NAV2: variants seen among roughly 807,000 people sequenced by gnomAD.
NAV2 encodes neuron navigator 2, also known as helicase, APC down-regulated 1.
In NAV2, 54 loss-of-function variants were observed where a neutral mutation model predicts 223.2. That is an observed-to-expected ratio of 0.24 (90% CI 0.19 to 0.30). The LOEUF (loss-of-function observed/expected upper bound fraction) is 0.30, where lower values mean the gene tolerates loss of function less well. NAV2 is among the 10% of genes least tolerant of loss of function. NAV2 has a pLI of 1.00. For missense variants in NAV2, 2,806 were observed against 3,147.5 expected (o/e 0.89, Z 2.60); for synonymous variants, 1,279 against 1,239.3 (o/e 1.03, Z -0.67).
intron 32 of NAV2, among the ~76,000 whole-genome samples, chr11:20,101,403 G>A (rs980078086): frequency 1.3e-5 from 2 of 152,134 alleles, no homozygotes; most frequent in Admixed American, 6.5e-5. Context: ...TGTTATCCAC[G>A]ATACATCTGT....
At chr11:19,882,613 T>G (rs369459719) in intron 5 of NAV2, among the ~76,000 whole-genome samples, 49 of 152,204 alleles carry the variant, frequency 3.2e-4, no homozygotes, top group African/African-American at 1.1e-3. Flanking sequence ...ATTTCCATGG[T>G]AGGCGTTTGT....
chr11:20,074,172 G>A (rs1419759397), intron 22 of NAV2, among the ~76,000 whole-genome samples: 1 of 152,152 alleles, frequency 6.6e-6, no homozygotes, highest in African/African-American at 2.4e-5. Context: ...CTTTATTTCT[G>A]CCTTCATTTC....
intron 13 of NAV2, 35 bp downstream of exon 13, chr11:20,044,307 A>G: frequency 6.4e-7 from 1 of 1,564,410 alleles, no homozygotes; most frequent in South Asian, 1.2e-5. Flanking sequence ...CCTACAGTTG[A>G]CATTTTGAAA....
chr11:19,611,458 C>T (rs771535865), intron 1 of NAV2, among the ~76,000 whole-genome samples: 2 of 152,314 alleles, frequency 1.3e-5, no homozygotes, highest in East Asian at 3.9e-4. Context: ...AGGCAAGTCC[C>T]TTCTGCCTAT....
chr11:19,403,467 T>A (rs72907868), intron 1 of NAV2, among the ~76,000 whole-genome samples: 8,335 of 152,282 alleles, frequency 0.055, 315 homozygotes, highest in Non-Finnish European at 0.086. Context: ...AGCTGCAGGT[T>A]AGCCTAGCAA....
At chr11:19,766,029 C>G in intron 1 of NAV2, among the ~76,000 whole-genome samples, 1 of 152,224 alleles carries the variant, frequency 6.6e-6, no homozygotes, top group East Asian at 1.9e-4. Flanking sequence ...CTCCCTATCA[C>G]CCAGAATAGA....
rs189391038 is a variant in NAV2 at position 19,594,812 on chromosome 11, T to C, written c.76-237672T>C. 2.5e-3 allele frequency among the ~76,000 whole-genome samples: 376 copies of C among 152,158 alleles called. 3 individuals carry two copies. Among genetic ancestry groups the C allele is most frequent in the Non-Finnish European group, 4.6e-3 (314 of 67,992 alleles). ...AGCCTCAGTTTTCTTATCTGAAAAATGGGGACAATCACAGTTCCTACTTTG... is the reference window on the plus strand; with the variant it reads ...AGCCTCAGTTTTCTTATCTGAAAAACGGGGACAATCACAGTTCCTACTTTG... On this transcript the variant is annotated intron_variant, in intron 1 of 37. Transcript: ENST00000360655.
At chr11:19,849,316 T>A (rs1440727019) in intron 3 of NAV2, among the ~76,000 whole-genome samples, 2 of 152,186 alleles carry the variant, frequency 1.3e-5, no homozygotes, top group African/African-American at 4.8e-5. Flanking sequence ...TCTCCTTAGT[T>A]TTCATCTGCA....
intron 1 of NAV2, among the ~76,000 whole-genome samples, chr11:19,739,663 C>T (rs1282354709): frequency 6.6e-6 from 1 of 152,184 alleles, no homozygotes; most frequent in African/African-American, 2.4e-5. Flanking sequence ...CCACCATGCT[C>T]ATATGTCTTA....
chr11:19,431,683 C>T (rs1002520151), intron 1 of NAV2, among the ~76,000 whole-genome samples: 1 of 152,080 alleles, frequency 6.6e-6, no homozygotes, highest in Admixed American at 6.5e-5. Context: ...CAAACAAATG[C>T]CTGGTGTCGG....
At chr11:19,382,961 A>G (rs1848900215) in intron 1 of NAV2, among the ~76,000 whole-genome samples, 1 of 152,194 alleles carries the variant, frequency 6.6e-6, no homozygotes, top group Non-Finnish European at 1.5e-5. Flanking sequence ...TATTACCTCC[A>G]AAGGCATATA....
chr11:19,946,649 G>T (rs766460748), intron 9 of NAV2, 140 bp downstream of exon 9: 27 of 729,944 alleles, frequency 3.7e-5, no homozygotes, highest in Non-Finnish European at 6.0e-5. Context: ...CACAAAGAAT[G>T]CCATATGACA....
At chr11:19,864,548 T>C (rs1002875649) in intron 3 of NAV2, among the ~76,000 whole-genome samples, 3 of 152,214 alleles carry the variant, frequency 2.0e-5, no homozygotes, top group Admixed American at 6.5e-5. Context: ...TCTTTCCAGT[T>C]GTTTGGCATT....
At chr11:19,802,040 A>T (rs1411790063) in intron 1 of NAV2, among the ~76,000 whole-genome samples, 1 of 152,158 alleles carries the variant, frequency 6.6e-6, no homozygotes, top group African/African-American at 2.4e-5. Flanking sequence ...AAGAGTATTT[A>T]TAGGAATTTG....
intron 5 of NAV2, chr11:19,884,272 T>G (rs1436630534): frequency 6.3e-7 from 1 of 1,595,654 alleles, no homozygotes; most frequent in Non-Finnish European, 8.6e-7. Context: ...GCTCTTCCAC[T>G]TTTTTCTTTC....
At chr11:19,403,316 G>C (rs1277886915) in intron 1 of NAV2, among the ~76,000 whole-genome samples, 1 of 152,170 alleles carries the variant, frequency 6.6e-6, no homozygotes, top group Non-Finnish European at 1.5e-5. Context: ...TGCCCCAGGG[G>C]AGATAGCAAA....
At chr11:19,876,752 CT>C (rs1802489744) in intron 4 of NAV2, among the ~76,000 whole-genome samples, 2 of 151,870 alleles carry the variant, frequency 1.3e-5, no homozygotes, top group African/African-American at 4.8e-5. Flanking sequence ...TGGATGACCC[CT>C]GATCCTCCAG....
At position 19,811,734 on chromosome 11, in the gene NAV2, G is replaced by A. The variant is rs145714113; in HGVS notation, c.268-20750G>A. On this transcript the variant is annotated intron_variant, in intron 1 of 37. Transcript: ENST00000349880. Reference sequence around the variant, plus strand: ...ATGACTGCCTCCTCTTCCTTTTTGCGTGCTTTTGCTAAAGTTTTATGCAGA... The same window carrying A: ...ATGACTGCCTCCTCTTCCTTTTTGCATGCTTTTGCTAAAGTTTTATGCAGA... Among the ~76,000 whole-genome samples, 219 of 152,184 alleles carry A rather than the reference G, an allele frequency of 1.4e-3. 1 individual carries two copies. The highest frequency in any genetic ancestry group is 4.7e-3 in the African/African-American group (197 of 41,526).
chr11:19,986,661 A>G (rs1227357457), intron 11 of NAV2, among the ~76,000 whole-genome samples: 2 of 152,248 alleles, frequency 1.3e-5, no homozygotes, highest in East Asian at 1.9e-4. Flanking sequence ...GATAACTGAC[A>G]AAGTTTTAAA....
Sources: gnomAD v4.1 joint callset for allele counts (sites outside exome capture counted in the v4.1 genomes callset) on GRCh38, gnomAD v4.1.1 for gene constraint, MANE v1.5 for transcripts, NCBI Gene and HGNC (gene_info 2026-07-23, HGNC 2026-07-21) for gene names.